SULF2: variants seen among roughly 807,000 people sequenced by gnomAD.
SULF2 encodes the protein sulfatase 2, also known as extracellular sulfatase Sulf-2.
SULF2 carries 52 observed loss-of-function variants against 107.7 expected under a neutral mutation model. The ratio of observed to expected loss-of-function variants is 0.48; its 90% confidence interval spans 0.39 to 0.61. SULF2 has a LOEUF of 0.61. SULF2 is among the 20% of genes least tolerant of loss of function. The pLI, the probability that SULF2 is intolerant of heterozygous loss-of-function variation, is 0.00. For missense variants in SULF2, 993 were observed against 1,177.3 expected (o/e 0.84, Z 2.29); for synonymous variants, 460 against 464.3 (o/e 0.99, Z 0.12).
At position 47,705,804 on chromosome 20, in the gene SULF2, CTTTT is replaced by C. The variant is rs34029135; in HGVS notation, c.416-3138_416-3135del. On this transcript the variant is annotated intron_variant, in intron 3 of 20. Transcript: ENST00000688720. ...TCCAAGAAACCTTTTCTTTTCTTTT[CTTTT>C]TTTTTTTTTTGAGAGAGGGTCTCGC... Among the ~76,000 whole-genome samples the C allele has an allele frequency of 8.0e-5, 11 of 137,536 alleles. No homozygotes were observed. The East Asian group carries it at 2.1e-3, about 26-fold the overall frequency. 90.2% of individuals were successfully genotyped at this position (137,536 alleles called of 152,430 possible). A position where few individuals can be genotyped will look rare whatever the true frequency, so the allele number is the denominator to read the frequency against.
rs753403467 is a variant in SULF2 at position 47,663,572 on chromosome 20, C to T, written c.2108G>A (p.Arg703His). The change falls in exon 16 of 21, where the codon CGC becomes CAC. Residue 703 changes from arginine to histidine, a missense_variant. By Grantham distance (29) the Arg-to-His change is conservative (BLOSUM62 0). Around this residue, in one of 3 missense-constraint regions of SULF2, gnomAD observed 497 missense variants for 544.1 expected, o/e 0.91. Transcript: ENST00000688720. Reference sequence around the variant, plus strand: ...GAGCAGCTTGCGGAGTTTCTTCTTGCGCTTCTGCTCCCGCAACAGCCACAC... The same window carrying T: ...GAGCAGCTTGCGGAGTTTCTTCTTGTGCTTCTGCTCCCGCAACAGCCACAC... The part of the protein sequence containing the change: ...DKVWLLREQK[R>H]KKKLRKLLKR... The T allele has an allele frequency of 3.1e-5, 50 of 1,610,228 alleles. No homozygotes were observed. The highest frequency in any genetic ancestry group is 4.5e-5 in the East Asian group (2 of 44,848).
intron 18 of SULF2, 114 bp from the exon 19 acceptor site, chr20:47,659,844 G>A (rs565435862): frequency 1.3e-5 from 10 of 780,978 alleles, no homozygotes; most frequent in South Asian, 4.9e-5. Context: ...GATGCTGATA[G>A]TGTTCCCTAC....
chr20:47,719,794 A>AAC (rs1446292999), intron 3 of SULF2, among the ~76,000 whole-genome samples: 2 of 152,324 alleles, frequency 1.3e-5, no homozygotes, highest in East Asian at 3.9e-4. Flanking sequence ...CCGTAGAGCC[A>AAC]AAGCAGCTAC....
chr20:47,728,212 T>TGTGTGTGC (rs1267243794), intron 3 of SULF2, among the ~76,000 whole-genome samples: 2 of 151,826 alleles, frequency 1.3e-5, no homozygotes, highest in Admixed American at 1.3e-4. Context: ...AAGGGAGCTG[T>TGTGTGTGC]GTGTGTGCGT....
intron 2 of SULF2, among the ~76,000 whole-genome samples, chr20:47,743,441 C>A (rs117748247): frequency 6.6e-6 from 1 of 152,072 alleles, no homozygotes; most frequent in Non-Finnish European, 1.5e-5. Context: ...TCCTGAGTAG[C>A]TGGAATTACA....
intron 5 of SULF2, among the ~76,000 whole-genome samples, chr20:47,688,198 G>A (rs926506579): frequency 4.6e-5 from 7 of 152,154 alleles, no homozygotes; most frequent in South Asian, 4.1e-4. Flanking sequence ...TGCTCTAACC[G>A]TGCGCCCCGG....
intron 3 of SULF2, among the ~76,000 whole-genome samples, chr20:47,711,320 G>C (rs1167008415): frequency 6.6e-6 from 1 of 152,226 alleles, no homozygotes; most frequent in Admixed American, 6.5e-5. Flanking sequence ...CTAGCTGTGG[G>C]ACCACAAAGG....
chr20:47,741,016 C>T (rs1424679293), intron 2 of SULF2, among the ~76,000 whole-genome samples: 6 of 152,194 alleles, frequency 3.9e-5, no homozygotes, highest in South Asian at 4.1e-4. Flanking sequence ...CTCTCTTCAA[C>T]GTAAACACCC....
chr20:47,695,832 C>T (rs534741080), intron 4 of SULF2, among the ~76,000 whole-genome samples: 6 of 152,304 alleles, frequency 3.9e-5, no homozygotes, highest in East Asian at 1.9e-4. Flanking sequence ...AGGCTGGTCT[C>T]GAACTCCTGG....
At chr20:47,723,634 G>C (rs2089357044) in intron 3 of SULF2, among the ~76,000 whole-genome samples, 1 of 152,196 alleles carries the variant, frequency 6.6e-6, no homozygotes, top group Admixed American at 6.5e-5. Context: ...ATTATCATAG[G>C]AGCGTGAACC....
intron 3 of SULF2, among the ~76,000 whole-genome samples, chr20:47,732,227 G>A (rs1444491120): frequency 6.6e-6 from 1 of 152,096 alleles, no homozygotes; most frequent in African/African-American, 2.4e-5. Context: ...TGCCTACCAC[G>A]ACCATGTACC....
chr20:47,662,596 C>T (rs1602577156), intron 17 of SULF2, among the ~76,000 whole-genome samples: 1 of 152,330 alleles, frequency 6.6e-6, no homozygotes, highest in South Asian at 2.1e-4. Flanking sequence ...GCCACTGCTC[C>T]TTTTGGTCTT....
At position 47,780,495 on chromosome 20, in the gene SULF2, GCCTC is replaced by G. The variant is rs111782945; in HGVS notation, c.-101+4844_-101+4847del. 7.7e-3 allele frequency among the ~76,000 whole-genome samples: 1,172 copies of G among 152,196 alleles called. 22 individuals are homozygous for G. The highest frequency in any genetic ancestry group is 0.027 in the African/African-American group (1,123 of 41,516). ...GTTCAAAGGTCACATCCTCACAGAGGCCTCCCTGACAGCCTGCCTAAAGTTGCCT... is the reference window on the plus strand; with the variant it reads ...GTTCAAAGGTCACATCCTCACAGAGGCCTGACAGCCTGCCTAAAGTTGCCT... On this transcript the variant is annotated intron_variant, in intron 1 of 20. Coordinates refer to ENST00000688720, the MANE Select transcript of SULF2 (RefSeq NM_001387048.1).
At chr20:47,776,677 GC>G (rs1344270124) in intron 1 of SULF2, among the ~76,000 whole-genome samples, 1 of 152,170 alleles carries the variant, frequency 6.6e-6, no homozygotes, top group Admixed American at 6.5e-5. Context: ...GACTAGCTTG[GC>G]CCCAGAGTCA....
In SULF2 at chr20:47,780,806, G is replaced by A. The variant is rs150991221; in HGVS notation, c.-101+4537C>T. Among the ~76,000 whole-genome samples the A allele has an allele frequency of 1.5e-4, 23 of 152,182 alleles. No homozygotes were observed. The East Asian group carries it at 4.1e-3, about 27-fold the overall frequency. On this transcript the variant is annotated intron_variant, in intron 1 of 20. Coordinates refer to ENST00000688720, the MANE Select transcript of SULF2 (RefSeq NM_001387048.1). ...TGACCTCAAGGGATCCTCCCACCTC[G>A]GCCTCTCAAAGTGCTGGGATTATAG...
intron 1 of SULF2, among the ~76,000 whole-genome samples, chr20:47,781,826 T>A (rs2090838391): frequency 6.6e-6 from 1 of 151,972 alleles, no homozygotes; most frequent in Non-Finnish European, 1.5e-5. Flanking sequence ...GCAGTCTGGC[T>A]CTCCTAGCCA....
intron 2 of SULF2, among the ~76,000 whole-genome samples, chr20:47,754,397 C>CT (rs1040393075): frequency 4.6e-5 from 7 of 152,276 alleles, no homozygotes; most frequent in South Asian, 4.1e-4. Context: ...ATGTATTGGG[C>CT]TTTTTTGGGA....
At chr20:47,671,588 A>T (rs2087472366) in intron 11 of SULF2, among the ~76,000 whole-genome samples, 1 of 151,582 alleles carries the variant, frequency 6.6e-6, no homozygotes, top group Non-Finnish European at 1.5e-5. Context: ...GTAGTTCTAT[A>T]AACTCACCAC....
chr20:47,706,722 G>A (rs757545123), intron 3 of SULF2: 22 of 152,258 alleles, frequency 1.4e-4, no homozygotes, highest in Middle Eastern at 3.2e-3. Flanking sequence ...GTCTGCGCGG[G>A]GAGGAGAGGT....
Sources: gnomAD v4.1 joint callset for allele counts (sites outside exome capture counted in the v4.1 genomes callset) on GRCh38, gnomAD v4.1.1 for gene constraint, gnomAD v4.1.1 regional missense constraint, MANE v1.5 for transcripts, NCBI Gene and HGNC (gene_info 2026-07-23, HGNC 2026-07-21) for gene names.